The following BEND5 variants were observed in gnomAD, a reference collection of about 807,000 sequenced individuals.
The protein encoded by BEND5 is BEN domain-containing protein 5.
A neutral mutation model predicts 43.9 loss-of-function variants in BEND5; 22 were observed. The observed-to-expected ratio is 0.50, with a 90% confidence interval of 0.36 to 0.72. BEND5 has a LOEUF of 0.72. BEND5 is among the 30% of genes least tolerant of loss of function. BEND5 has a pLI of 0.00. For synonymous variants in BEND5, 228 were observed against 225.9 expected (o/e 1.01, Z -0.08); for missense variants, 428 against 550.6 (o/e 0.78, Z 2.23).
intron 1 of BEND5, among the ~76,000 whole-genome samples, chr1:48,770,252 T>C (rs1479924753): frequency 6.6e-6 from 1 of 152,230 alleles, no homozygotes; most frequent in Non-Finnish European, 1.5e-5. Flanking sequence ...CCTGCTTATG[T>C]ATTTAGCTGT....
intron 1 of BEND5, among the ~76,000 whole-genome samples, chr1:48,769,570 C>CACACACACA (rs34256470): frequency 1.1e-4 from 15 of 142,486 alleles, no homozygotes; most frequent in African/African-American, 3.5e-4. Flanking sequence ...CACACACACA[C>CACACACACA]AAGTTAAATT....
At chr1:48,739,467 A>G (rs1360389869) in intron 4 of BEND5, among the ~76,000 whole-genome samples, 1 of 151,814 alleles carries the variant, frequency 6.6e-6, no homozygotes, top group Non-Finnish European at 1.5e-5. Context: ...ATTCATCTAC[A>G]TAGTCCATCT....
chr1:48,739,918 A>C (rs1649649289), intron 4 of BEND5, among the ~76,000 whole-genome samples: 1 of 152,238 alleles, frequency 6.6e-6, no homozygotes, highest in South Asian at 2.1e-4. Flanking sequence ...TTTCTAGCTC[A>C]CTTAGAGCCT....
intron 1 of BEND5, 96 bp from the exon 2 acceptor site, chr1:48,761,566 G>T (rs1179307751): frequency 1.5e-6 from 2 of 1,297,056 alleles, no homozygotes; most frequent in African/African-American, 3.0e-5. Context: ...GAAAATAATT[G>T]AGGCCAGACC....
At chr1:48,772,336 G>A (rs1415627023) in intron 1 of BEND5, among the ~76,000 whole-genome samples, 1 of 152,192 alleles carries the variant, frequency 6.6e-6, no homozygotes, top group Non-Finnish European at 1.5e-5. Flanking sequence ...AATGTACTTT[G>A]TCCACTCCTT....
intron 3 of BEND5, among the ~76,000 whole-genome samples, chr1:48,756,780 G>A (rs1643953297): frequency 6.6e-6 from 1 of 152,220 alleles, no homozygotes; most frequent in African/African-American, 2.4e-5. Flanking sequence ...CAGTGGGTGT[G>A]ATTTTCCAGG....
chr1:48,775,900 C>T (rs538739638), intron 1 of BEND5, among the ~76,000 whole-genome samples: 4 of 152,176 alleles, frequency 2.6e-5, no homozygotes, highest in African/African-American at 9.7e-5. Context: ...ATTCAGGGAG[C>T]CTTCTGGGAG....
chr1:48,755,519 G>C (rs1339258906), intron 3 of BEND5, among the ~76,000 whole-genome samples: 1 of 152,176 alleles, frequency 6.6e-6, no homozygotes, highest in East Asian at 1.9e-4. Context: ...GAGGCCCAGG[G>C]GGCAGAGAAC....
intron 1 of BEND5, among the ~76,000 whole-genome samples, chr1:48,762,537 T>A (rs1432727958): frequency 2.0e-5 from 3 of 152,060 alleles, no homozygotes; most frequent in African/African-American, 7.2e-5. Context: ...GTATCCCAAA[T>A]GCGTTTTGTA....
intron 1 of BEND5, 82 bp downstream of exon 1, chr1:48,776,524 C>T (rs1645093983): frequency 2.0e-6 from 2 of 998,442 alleles, no homozygotes; most frequent in South Asian, 2.0e-5. Context: ...TCCCCCCGGT[C>T]CCCTCCGCCC....
chr1:48,754,142 T>C (rs959150112), intron 3 of BEND5, among the ~76,000 whole-genome samples: 1 of 152,152 alleles, frequency 6.6e-6, no homozygotes, highest in East Asian at 1.9e-4. Context: ...TGTAACAAAC[T>C]GGGGAGGACA....
chr1:48,742,628 C>T lies in BEND5; in HGVS notation c.889G>A (p.Gly297Ser), dbSNP rs1286199689. 1 of 1,558,926 alleles carries T rather than the reference C, an allele frequency of 6.4e-7. No homozygotes were observed. The highest frequency in any genetic ancestry group is 2.3e-5 in the East Asian group (1 of 42,616). Reference protein sequence around the residue: ...PVMDKYILDNGKVHLGSGIWV... With the variant: ...PVMDKYILDNSKVHLGSGIWV... The stretch of plus-strand genomic sequence containing the variant: ...TATTGAGCTTAAAACACTACCTTGC[C>T]ATTGTCTAGGATATACTTGTCCATG... The change falls in exon 4 of 6, where the codon GGC becomes AGC. Residue 297 changes from glycine (G) to serine (S), a missense_variant. Transcript: ENST00000371833.
At chr1:48,741,093 T>C (rs1328329970) in intron 4 of BEND5, among the ~76,000 whole-genome samples, 1 of 152,196 alleles carries the variant, frequency 6.6e-6, no homozygotes, top group South Asian at 2.1e-4. Flanking sequence ...TCTGAAACTA[T>C]CCATCAGCCT....
At chr1:48,770,630 T>C (rs1644768746) in intron 1 of BEND5, among the ~76,000 whole-genome samples, 1 of 152,222 alleles carries the variant, frequency 6.6e-6, no homozygotes, top group Admixed American at 6.5e-5. Flanking sequence ...ACATGCCTAC[T>C]TGCTCTCCTG....
At chr1:48,748,135 G>A (rs897071252) in intron 3 of BEND5, among the ~76,000 whole-genome samples, 1 of 152,130 alleles carries the variant, frequency 6.6e-6, no homozygotes, top group African/African-American at 2.4e-5. Flanking sequence ...AAGTACCTGG[G>A]CAGGGGAACA....
In BEND5 at chr1:48,736,930, T is replaced by A. The variant is rs1433661011; in HGVS notation, c.895-478A>T. On this transcript the variant is annotated intron_variant, in intron 4 of 5. Transcript: ENST00000371833. The surrounding 1 kb of genome is among the most constrained non-coding windows in gnomAD (Gnocchi z 4.0). ...TGTGAACATTCTGGGACATATACCT[T>A]CCTAGTATGGTGGTTCTCAACCTTG... 6.6e-6 allele frequency among the ~76,000 whole-genome samples: 1 copy of A among 152,172 alleles called. No individual in the cohort carries two copies. The highest frequency in any genetic ancestry group is 1.9e-4 in the East Asian group (1 of 5,200).
rs1267856882 is a variant in BEND5, at chr1:48,776,775, C to A, written c.57G>T (p.Ser19=). The A allele has an allele frequency of 6.6e-7, 1 of 1,524,338 alleles. No homozygotes were observed. The allele number at this position is 1,524,338 out of a possible 1,614,324, so 94.4% of individuals were successfully genotyped here. Residue 19 remains serine (S), a synonymous_variant, in exon 1 of 6, where the codon TCG becomes TCT. Transcript: ENST00000371833. Reference sequence around the variant, plus strand: ...AGCGGGGGCTGAAGTCGCGCACGCACGACACGGGCAGCGCGTAGCAGACGT... The same window carrying A: ...AGCGGGGGCTGAAGTCGCGCACGCAAGACACGGGCAGCGCGTAGCAGACGT... ...EDNVCYALPV[S]CVRDFSPRSR... is the part of the protein sequence containing the mutation.
chr1:48,742,648 TC>T lies in BEND5; in HGVS notation c.868del (p.Asp290ThrfsTer5). ...SYYPAPAPVM[D>X]KYILDNGKVH... ...CTTGCCATTGTCTAGGATATACTTG[TC>T]CATGACAGGCGCAGGAGCGGGGTAA... On this transcript the variant is annotated frameshift_variant, in exon 4 of 6. Coordinates refer to ENST00000371833, the MANE Select transcript of BEND5 (RefSeq NM_024603.4). LOFTEE classifies it high-confidence loss of function. The T allele has an allele frequency of 6.2e-7, 1 of 1,604,562 alleles. No homozygotes were observed. The highest frequency in any genetic ancestry group is 8.5e-7 in the Non-Finnish European group (1 of 1,175,198).
chr1:48,746,184 C>T (rs1488466538), intron 3 of BEND5, among the ~76,000 whole-genome samples: 3 of 152,062 alleles, frequency 2.0e-5, no homozygotes, highest in East Asian at 1.9e-4. Context: ...TATATATATT[C>T]GTATATTTAT....
Sources: gnomAD v4.1 joint callset for allele counts (sites outside exome capture counted in the v4.1 genomes callset) on GRCh38, gnomAD v4.1.1 for gene constraint, Gnocchi (gnomAD v3.1) non-coding constraint, MANE v1.5 for transcripts, NCBI Gene and HGNC (gene_info 2026-07-23, HGNC 2026-07-21) for gene names.